WDR70: variants seen among roughly 807,000 people sequenced by gnomAD.
WDR70 encodes WD repeat domain 70.
WDR70 carries 53 observed loss-of-function variants against 88.6 expected under a neutral mutation model. The observed-to-expected ratio is 0.60, with a 90% CI of 0.48 to 0.75. The LOEUF (loss-of-function observed/expected upper bound fraction) is 0.75. Ranked by LOEUF, WDR70 falls within the 30% of genes least tolerant of loss-of-function variation. WDR70 has a pLI of 0.00. For synonymous variants in WDR70, 280 were observed against 270.0 expected (o/e 1.04, Z -0.36); for missense variants, 610 against 823.2 (o/e 0.74, Z 3.17).
At chr5:37,543,993 A>C (rs572561061) in intron 9 of WDR70, among the ~76,000 whole-genome samples, 2 of 152,102 alleles carry the variant, frequency 1.3e-5, no homozygotes, top group Non-Finnish European at 2.9e-5. Context: ...TCTGGTCTCG[A>C]ACTCCTGACG....
rs1213017731 is a variant in WDR70 at position 37,384,520 on chromosome 5, C to T, written c.175+2835C>T. On this transcript the variant is annotated intron_variant, in intron 3 of 17. Transcript: ENST00000265107. The stretch of plus-strand genomic sequence containing the variant: ...CTAAAAATACAAAAAATTAGCTGGG[C>T]GTGGTGGCGGGCGCCTGTAGTCCCA... 1.3e-4 allele frequency among the ~76,000 whole-genome samples: 19 copies of T among 151,548 alleles called. No homozygotes were observed. The East Asian group carries it at 2.5e-3, about 20-fold the overall frequency.
chr5:37,453,611 G>T (rs2112085451), intron 7 of WDR70, among the ~76,000 whole-genome samples: 1 of 152,376 alleles, frequency 6.6e-6, no homozygotes, highest in East Asian at 1.9e-4. Context: ...GTGCTGCAGA[G>T]ATTTGTTTAT....
chr5:37,399,333 A>G (rs1255149066), intron 5 of WDR70, among the ~76,000 whole-genome samples: 1 of 152,096 alleles, frequency 6.6e-6, no homozygotes, highest in Non-Finnish European at 1.5e-5. Context: ...AGGCAGGGGA[A>G]TTGCTTGAAC....
At chr5:37,526,435 CT>C (rs1402810760) in intron 9 of WDR70, among the ~76,000 whole-genome samples, 17 of 152,166 alleles carry the variant, frequency 1.1e-4, no homozygotes, top group African/African-American at 4.1e-4. Context: ...TTCAATAGCC[CT>C]TCATGCTAAA....
At chr5:37,425,600 A>T (rs1394315002) in intron 5 of WDR70, among the ~76,000 whole-genome samples, 2 of 152,218 alleles carry the variant, frequency 1.3e-5, no homozygotes, top group East Asian at 1.9e-4. Flanking sequence ...GAGATGACTG[A>T]CATCAGAACA....
intron 9 of WDR70, among the ~76,000 whole-genome samples, chr5:37,525,484 A>G (rs527237299): frequency 2.4e-4 from 36 of 152,314 alleles, no homozygotes; most frequent in Non-Finnish European, 4.1e-4. Flanking sequence ...AAAGCAGTGT[A>G]TAGAGGGAAA....
At chr5:37,470,642 T>C (rs1340526595) in intron 7 of WDR70, among the ~76,000 whole-genome samples, 1 of 152,178 alleles carries the variant, frequency 6.6e-6, no homozygotes, top group Non-Finnish European at 1.5e-5. Flanking sequence ...ATCCATATGG[T>C]TTATAGCAGA....
At chr5:37,591,654 A>G (rs1257374109) in intron 9 of WDR70, among the ~76,000 whole-genome samples, 1 of 152,188 alleles carries the variant, frequency 6.6e-6, no homozygotes. Context: ...TCCAGAAACT[A>G]AAAGAAGAAA....
intron 6 of WDR70, among the ~76,000 whole-genome samples, chr5:37,441,477 C>G (rs1216959992): frequency 2.6e-5 from 4 of 152,032 alleles, no homozygotes; most frequent in Admixed American, 2.6e-4. Context: ...AATTACATTT[C>G]AAGTCTATTT....
At position 37,478,454 on chromosome 5, in the gene WDR70, C is replaced by T. The variant is rs73072281; in HGVS notation, c.687-1380C>T. Among the ~76,000 whole-genome samples, 1,336 of 152,312 alleles carry T rather than the reference C, an allele frequency of 8.8e-3. 24 individuals are homozygous for T. Among genetic ancestry groups the T allele is most frequent in the African/African-American group, 0.03 (1,265 of 41,560 alleles). On this transcript the variant is annotated intron_variant, in intron 7 of 17. Coordinates refer to ENST00000265107, the MANE Select transcript of WDR70 (RefSeq NM_018034.4). ...AACTTCATAGGACCACTTTTGGTAT[C>T]AACTCTCCCAGGTCAGGTTTCCCAA...
At chr5:37,558,919 CT>C (rs112687653) in intron 9 of WDR70, among the ~76,000 whole-genome samples, 3,026 of 143,572 alleles carry the variant, frequency 0.021, 81 homozygotes, top group African/African-American at 0.069. Context: ...TTGGTGTATT[CT>C]TTTTTTTTTT....
chr5:37,625,608 T>A (rs1744641003), intron 10 of WDR70, among the ~76,000 whole-genome samples: 1 of 152,080 alleles, frequency 6.6e-6, no homozygotes, highest in South Asian at 2.1e-4. Flanking sequence ...CACTACAACC[T>A]CCAACTCCCG....
chr5:37,638,211 A>G (rs1003163325), intron 10 of WDR70, among the ~76,000 whole-genome samples: 11 of 152,238 alleles, frequency 7.2e-5, no homozygotes, highest in African/African-American at 2.7e-4. Context: ...ATATTATTCC[A>G]TTAAAATGAA....
intron 9 of WDR70, among the ~76,000 whole-genome samples, chr5:37,530,486 T>C (rs1006123297): frequency 1.3e-5 from 2 of 152,088 alleles, no homozygotes; most frequent in African/African-American, 4.8e-5. Context: ...TCGCTGCTTA[T>C]TATTGGTCTG....
intron 5 of WDR70, among the ~76,000 whole-genome samples, chr5:37,400,373 A>T (rs992177007): frequency 6.6e-6 from 1 of 152,226 alleles, no homozygotes; most frequent in African/African-American, 2.4e-5. Flanking sequence ...AATTGCCATC[A>T]CCAGGTGATA....
At chr5:37,516,850 T>C (rs1367775346) in intron 9 of WDR70, among the ~76,000 whole-genome samples, 2 of 151,228 alleles carry the variant, frequency 1.3e-5, no homozygotes, top group African/African-American at 2.4e-5. Flanking sequence ...GCCTCCCAGG[T>C]AGCTGAGATT....
chr5:37,539,232 T>C (rs1741747351), intron 9 of WDR70, among the ~76,000 whole-genome samples: 1 of 152,208 alleles, frequency 6.6e-6, no homozygotes, highest in Non-Finnish European at 1.5e-5. Context: ...ACTATTCTTG[T>C]TATACACTGT....
intron 9 of WDR70, among the ~76,000 whole-genome samples, chr5:37,531,709 T>C (rs537719168): frequency 1.2e-4 from 18 of 151,858 alleles, no homozygotes; most frequent in South Asian, 8.4e-4. Flanking sequence ...TTCTTATCCA[T>C]TCTGCCATTC....
chr5:37,443,243 C>T lies in WDR70; in HGVS notation c.557C>T (p.Ser186Phe), dbSNP rs1228391956. 6.2e-7 allele frequency: 1 copy of T among 1,609,740 alleles called. No individual in the cohort carries two copies. Residue 186 changes from serine (S) to phenylalanine (F), a missense_variant, in exon 7 of 18, where the codon TCT becomes TTT. By Grantham distance (155) the Ser-to-Phe change is radical. Transcript: ENST00000265107. Reference protein sequence around the residue: ...ITLKHGTKTVSALGLDPSGAR... With the variant: ...ITLKHGTKTVFALGLDPSGAR... ...ATTTTATTTTTTTAAAACCAGGTGT[C>T]TGCTTTGGGTCTGGATCCCTCAGGT...
Sources: gnomAD v4.1 joint callset for allele counts (sites outside exome capture counted in the v4.1 genomes callset) on GRCh38, gnomAD v4.1.1 for gene constraint, MANE v1.5 for transcripts, NCBI Gene and HGNC (gene_info 2026-07-23, HGNC 2026-07-21) for gene names.